The following ERICH3 variants were observed in gnomAD, a reference collection of about 807,000 sequenced individuals.
ERICH3 encodes the protein glutamate rich 3.
Under a neutral mutation model 131.1 loss-of-function variants are expected in ERICH3, and 126 were observed. The observed-to-expected ratio is 0.96, with a 90% CI of 0.83 to 1.11. The LOEUF (loss-of-function observed/expected upper bound fraction) is 1.11, where lower values mean the gene tolerates loss of function less well. Ranked by LOEUF, ERICH3 falls within the 50% of genes most tolerant of loss-of-function variation. The pLI, the probability that ERICH3 is intolerant of heterozygous loss-of-function variation, is 0.00. For missense variants in ERICH3, 2,050 were observed against 1,810.7 expected, an observed-to-expected ratio of 1.13 and a Z score of -2.40; for synonymous variants, 695 against 644.6, an observed-to-expected ratio of 1.08 and a Z score of -1.18.
intron 6 of ERICH3, 78 bp downstream of exon 6, chr1:74,636,202 A>G: frequency 8.5e-7 from 1 of 1,178,976 alleles, no homozygotes; most frequent in Non-Finnish European, 1.2e-6. Context: ...AATCGAATAT[A>G]ATACCTTGAC....
Position 74,600,980 on chromosome 1 carries a change from A to G in ERICH3, c.1490-1049T>C, listed in dbSNP as rs143503024. 3.6e-3 allele frequency among the ~76,000 whole-genome samples: 547 copies of G among 151,832 alleles called. 4 individuals carry two copies. The highest frequency in any genetic ancestry group is 0.013 in the African/African-American group (527 of 41,464). On this transcript the variant is annotated intron_variant, in intron 10 of 14. Coordinates refer to ENST00000326665, the MANE Select transcript of ERICH3 (RefSeq NM_001002912.5). ...AAAGAAACTTAATCTAGAAATGTAT[A>G]CCCTGTGCATATGCAGAAAGCTCTG...
Position 74,572,194 on chromosome 1 carries a change from A to G in ERICH3, c.3516T>C (p.Ala1172=). 1 of 1,613,914 alleles carries G rather than the reference A, an allele frequency of 6.2e-7. No individual in the cohort carries two copies. The highest frequency in any genetic ancestry group is 8.5e-7 in the Non-Finnish European group (1 of 1,179,982). Reference sequence around the variant, plus strand: ...TTTCCCCTCCTCCTTCTTTCCTCAGAGCTGTTATGTTTTCCAGCGACTTTT... The same window carrying G: ...TTTCCCCTCCTCCTTCTTTCCTCAGGGCTGTTATGTTTTCCAGCGACTTTT... The part of the protein sequence containing the change: ...GFEKSLENIT[A]LRKEGGGERL... Residue 1172 remains alanine (A), a synonymous_variant, in exon 14 of 15, where the codon GCT becomes GCC. Transcript: ENST00000326665.
At position 74,583,402 on chromosome 1, in the gene ERICH3, A is replaced by T. The variant is rs140567098; in HGVS notation, c.2176+6229T>A. Among the ~76,000 whole-genome samples the T allele has an allele frequency of 1.2e-4, 19 of 152,270 alleles. No individual in the cohort carries two copies. In the East Asian group the frequency reaches 3.7e-3, roughly 29 times the overall value. ...AATTTATAAATTAAGTACATAAGAG[A>T]TTAACAACAATAACTAATAATAAAA... On this transcript the variant is annotated intron_variant, in intron 12 of 14. Transcript: ENST00000326665.
chr1:74,607,716 C>T (rs1423212927), intron 9 of ERICH3, among the ~76,000 whole-genome samples: 1 of 151,808 alleles, frequency 6.6e-6, no homozygotes, highest in African/African-American at 2.4e-5. Context: ...AATCTGAATG[C>T]ATTATGACAT....
rs376757975 is a variant in ERICH3 at position 74,631,894 on chromosome 1, A to G, written c.638T>C (p.Ile213Thr). The change falls in exon 7 of 15, where the codon ATA becomes ACA. Residue 213 changes from isoleucine (I) to threonine (T), a missense_variant. Ile to Thr is a moderately conservative substitution (Grantham distance 89, BLOSUM62 -1). Transcript: ENST00000326665. ...TGAATTCATTCTCTGTGAATTGCCT[A>G]TGGAGTTCCTGAACTTCATCACTGC... is the stretch of plus-strand genomic sequence containing the variant. ...KKAVMKFRNS[I>T]GNSQRMNSYQ... 2.2e-5 allele frequency: 35 copies of G among 1,613,192 alleles called. No homozygotes were observed. Among genetic ancestry groups the G allele is most frequent in the Non-Finnish European group, 2.8e-5 (33 of 1,179,476 alleles).
intron 1 of ERICH3, among the ~76,000 whole-genome samples, chr1:74,671,321 C>T (rs1004479981): frequency 4.0e-5 from 6 of 151,738 alleles, no homozygotes; most frequent in African/African-American, 9.7e-5. Flanking sequence ...TTGTCCTGTT[C>T]CCTCAGAAGC....
chr1:74,573,147 C>T lies in ERICH3; in HGVS notation c.2563G>A (p.Gly855Arg), dbSNP rs547343006. 1.2e-5 allele frequency: 19 copies of T among 1,612,920 alleles called. No individual in the cohort carries two copies. In the East Asian group the frequency reaches 3.6e-4, roughly 30 times the overall value. ...AEGVRRLGEG[G>R]SDPIGQAAAK... ...GCTGCTTGTCCTATGGGGTCTGACC[C>T]CCCTTCACCCAGCCTTCTGACCCCT... The change falls in exon 14 of 15, where the codon GGG (glycine) becomes AGG (arginine). Residue 855 changes from glycine (G) to arginine (R), a missense_variant. Gly to Arg is a moderately radical substitution (Grantham distance 125). Transcript: ENST00000326665.
At chr1:74,644,127 T>C (rs1646460261) in intron 3 of ERICH3, among the ~76,000 whole-genome samples, 1 of 151,962 alleles carries the variant, frequency 6.6e-6, no homozygotes, top group Admixed American at 6.6e-5. Context: ...TTTGAAAAAA[T>C]GTTTCCCCTC....
At chr1:74,581,414 C>A (rs540622033) in intron 12 of ERICH3, among the ~76,000 whole-genome samples, 117 of 152,098 alleles carry the variant, frequency 7.7e-4, no homozygotes, top group Non-Finnish European at 1.5e-3. Flanking sequence ...TTCTTTGAGG[C>A]TATAGTGAGA....
At chr1:74,665,663 G>C (rs1646684932) in intron 1 of ERICH3, among the ~76,000 whole-genome samples, 1 of 152,098 alleles carries the variant, frequency 6.6e-6, no homozygotes, top group Non-Finnish European at 1.5e-5. Flanking sequence ...TCTCTTTTTG[G>C]TTTGCAGATG....
At chr1:74,666,412 A>G (rs948452009) in intron 1 of ERICH3, among the ~76,000 whole-genome samples, 1 of 152,162 alleles carries the variant, frequency 6.6e-6, no homozygotes, top group African/African-American at 2.4e-5. Context: ...TACAATTGTC[A>G]AAAAAATTTT....
intron 1 of ERICH3, among the ~76,000 whole-genome samples, chr1:74,666,864 T>C (rs76745614): frequency 6.6e-6 from 1 of 152,204 alleles, no homozygotes; most frequent in Non-Finnish European, 1.5e-5. Context: ...TATTCAGCAA[T>C]TTTTGTATGC....
At chr1:74,618,482 A>G (rs550424206) in intron 8 of ERICH3, among the ~76,000 whole-genome samples, 1 of 152,326 alleles carries the variant, frequency 6.6e-6, no homozygotes, top group Admixed American at 6.5e-5. Context: ...ATACAGGAAA[A>G]TGGGGCAGAA....
At chr1:74,591,557 G>T (rs539482699) in intron 11 of ERICH3, among the ~76,000 whole-genome samples, 1 of 152,280 alleles carries the variant, frequency 6.6e-6, no homozygotes, top group Non-Finnish European at 1.5e-5. Flanking sequence ...GATGGGAAAT[G>T]GGTGAACAAA....
chr1:74,615,986 T>A (rs1320699547), intron 8 of ERICH3, among the ~76,000 whole-genome samples: 2 of 152,084 alleles, frequency 1.3e-5, no homozygotes, highest in Non-Finnish European at 2.9e-5. Context: ...TGGGTTTTTT[T>A]ATTTGTTTGT....
chr1:74,609,252 T>G (rs1648546518), intron 9 of ERICH3, among the ~76,000 whole-genome samples: 1 of 152,056 alleles, frequency 6.6e-6, no homozygotes, highest in African/African-American at 2.4e-5. Flanking sequence ...GCTTTTCTTG[T>G]TTTCTGAGGA....
intron 12 of ERICH3, 89 bp from the exon 13 acceptor site, chr1:74,577,025 A>G: frequency 8.3e-7 from 1 of 1,204,978 alleles, no homozygotes; most frequent in East Asian, 2.5e-5. Flanking sequence ...TGGGTCAGTT[A>G]AGGCAAATTC....
chr1:74,641,542 A>T, intron 4 of ERICH3, 83 bp from the exon 5 acceptor site: 2 of 1,400,046 alleles, frequency 1.4e-6, no homozygotes, highest in Non-Finnish European at 2.0e-6. Context: ...GAAATACTAT[A>T]TGACTAAAGA....
At position 74,649,327 on chromosome 1, in the gene ERICH3, A is replaced by C. The variant is rs762840390; in HGVS notation, c.24-12T>G. On this transcript the variant is annotated splice_polypyrimidine_tract_variant and intron_variant, in intron 1 of 14. Transcript: ENST00000326665. ...ATGCAGCAAGTAACCTAAAATACAA[A>C]AATAAAACCAATAAGCTTTTACAAG... The C allele has an allele frequency of 1.7e-5, 27 of 1,594,296 alleles. 1 individual carries two copies. The South Asian group carries it at 3.0e-4, about 18-fold the overall frequency.
Sources: allele counts gnomAD v4.1 joint callset (sites outside exome capture counted in the v4.1 genomes callset), GRCh38; gene constraint gnomAD v4.1.1; transcripts MANE v1.5; gene names NCBI Gene and HGNC (gene_info 2026-07-23, HGNC 2026-07-21).